The following SNX29 variants were observed in gnomAD, a reference collection of about 807,000 sequenced individuals.
The protein encoded by SNX29 is sorting nexin 29.
Under a neutral mutation model 102.1 loss-of-function variants are expected in SNX29, and 78 were observed. That is an observed-to-expected ratio of 0.76 (90% confidence interval 0.64 to 0.92). SNX29 has a LOEUF of 0.92. Among genes scored for constraint, SNX29 ranks in the 40% least tolerant of loss-of-function variants. SNX29 has a pLI of 0.00. For synonymous variants in SNX29, 580 were observed against 414.5 expected (o/e 1.40, Z -4.85); for missense variants, 1,280 against 1,061.7 (o/e 1.21, Z -2.86).
At position 12,573,143 on chromosome 16, in the gene SNX29, G is replaced by C; in HGVS notation, c.*4514G>C. 1 of 226,572 alleles carries C rather than the reference G, an allele frequency of 4.4e-6. No individual in the cohort carries two copies. Among genetic ancestry groups the C allele is most frequent in the Non-Finnish European group, 8.8e-6 (1 of 114,078 alleles). 14.0% of individuals were successfully genotyped at this position (226,572 alleles called of 1,614,324 possible). On this transcript the variant is annotated 3_prime_UTR_variant, in exon 21 of 21. Coordinates refer to ENST00000566228, the MANE Select transcript of SNX29 (RefSeq NM_032167.5). The stretch of plus-strand genomic sequence containing the variant: ...ATCTTGATCTTGTTTCCAAAATAAA[G>C]CTTCAGCTCCTTGGTCAATAGAAGT...
At chr16:12,527,068 T>C (rs1161037194) in intron 20 of SNX29, 1 of 435,862 alleles carries the variant, frequency 2.3e-6, no homozygotes, top group African/African-American at 2.0e-5. Context: ...CATGTTGGTC[T>C]AGACCCCAGT....
chr16:12,074,678 G>A (rs1331562234), intron 10 of SNX29, among the ~76,000 whole-genome samples: 16 of 152,116 alleles, frequency 1.1e-4, no homozygotes, highest in Non-Finnish European at 2.1e-4. Context: ...TCTTTGTGGC[G>A]TTCTCTGTAT....
chr16:12,568,555 T>C lies in SNX29; in HGVS notation c.2368T>C (p.Ser790Pro). ...TGTGAACAGCCGGCCCAAAGCAGCT[T>C]CCCGCTTCCCCAAACTGTCCCGGGG... The part of the protein sequence containing the change: ...EPVNSRPKAA[S>P]RFPKLSRGQP... The change falls in exon 21 of 21, where the codon TCC (serine) becomes CCC (proline). Residue 790 changes from serine (S) to proline (P), a missense_variant. Coordinates refer to ENST00000566228, the MANE Select transcript of SNX29 (RefSeq NM_032167.5). The C allele has an allele frequency of 6.2e-7, 1 of 1,609,298 alleles. No individual in the cohort carries two copies. The highest frequency in any genetic ancestry group is 8.5e-7 in the Non-Finnish European group (1 of 1,179,802).
At chr16:12,117,829 C>A (rs1329351826) in intron 11 of SNX29, among the ~76,000 whole-genome samples, 1 of 152,146 alleles carries the variant, frequency 6.6e-6, no homozygotes, top group East Asian at 1.9e-4. Context: ...GGCACGGTGG[C>A]TCACAGCTGT....
intron 3 of SNX29, among the ~76,000 whole-genome samples, chr16:12,010,110 C>T (rs1427995307): frequency 6.6e-6 from 1 of 152,220 alleles, no homozygotes; most frequent in African/African-American, 2.4e-5. Flanking sequence ...ATGGTATTCA[C>T]TTCAGAGGGT....
intron 11 of SNX29, among the ~76,000 whole-genome samples, chr16:12,116,821 G>A (rs2053726024): frequency 1.3e-5 from 2 of 152,162 alleles, no homozygotes; most frequent in Non-Finnish European, 2.9e-5. Flanking sequence ...GTGGAAACAG[G>A]CTTAGTCAAT....
rs371965178 is a variant in SNX29 at position 12,042,982 on chromosome 16, C to T, written c.333C>T (p.Asp111=). The T allele has an allele frequency of 1.2e-5, 20 of 1,613,858 alleles. No homozygotes were observed. Among genetic ancestry groups the T allele is most frequent in the Non-Finnish European group, 1.6e-5 (19 of 1,179,872 alleles). Residue 111 remains aspartate, a synonymous_variant, in exon 5 of 21, where the codon GAC becomes GAT. Transcript: ENST00000566228. ...ACTCCCTGCGCCACATCGCCTCAGA[C>T]GTGGGCCGGGGTCGCGCCTGGCTGC... ...RFYSLRHIAS[D]VGRGRAWLRC...
intron 20 of SNX29, among the ~76,000 whole-genome samples, chr16:12,542,561 A>C (rs1465114661): frequency 2.0e-5 from 3 of 152,072 alleles, no homozygotes; most frequent in Non-Finnish European, 4.4e-5. Flanking sequence ...TGAACTCCTG[A>C]CCTCAAGTGA....
chr16:12,394,923 G>T (rs1283760934), intron 16 of SNX29, among the ~76,000 whole-genome samples: 1 of 152,126 alleles, frequency 6.6e-6, no homozygotes, highest in Non-Finnish European at 1.5e-5. Flanking sequence ...GGTGGTGGTG[G>T]TGTCATGCTT....
chr16:12,269,447 A>G (rs10500379), intron 14 of SNX29, among the ~76,000 whole-genome samples: 7,234 of 152,294 alleles, frequency 0.048, 335 homozygotes, highest in South Asian at 0.25. Context: ...AAGCAGTATC[A>G]TTATTTTGAT....
chr16:12,370,630 C>T (rs181224412), intron 16 of SNX29, among the ~76,000 whole-genome samples: 30 of 152,256 alleles, frequency 2.0e-4, no homozygotes, highest in Admixed American at 5.9e-4. Context: ...GCACTTTGGG[C>T]GAGGCACTGA....
rs1303815035 is a variant in SNX29 at position 12,390,178 on chromosome 16, G to GTGTGTGTGTGTGTA, written c.1900-8265_1900-8264insGTGTGTGTGTATGT. On this transcript the variant is annotated intron_variant, in intron 16 of 20. Transcript: ENST00000566228. The stretch of plus-strand genomic sequence containing the variant: ...TGTGTGTGTGTGTGTGTGTGTGTGT[G>GTGTGTGTGTGTGTA]TGTATGTATATGTATATGTGTGCAC... 3.4e-3 allele frequency among the ~76,000 whole-genome samples: 512 copies of GTGTGTGTGTGTGTA among 149,494 alleles called. 5 individuals are homozygous for GTGTGTGTGTGTGTA. Among genetic ancestry groups the GTGTGTGTGTGTGTA allele is most frequent in the African/African-American group, 0.012 (488 of 40,016 alleles).
intron 3 of SNX29, among the ~76,000 whole-genome samples, chr16:12,020,979 T>C (rs1451235280): frequency 6.6e-6 from 1 of 152,248 alleles, no homozygotes; most frequent in Non-Finnish European, 1.5e-5. Context: ...CTGTCTTAAA[T>C]CTGAGATATG....
chr16:12,303,886 A>G (rs574968350), intron 15 of SNX29, among the ~76,000 whole-genome samples: 1 of 152,262 alleles, frequency 6.6e-6, no homozygotes, highest in Admixed American at 6.5e-5. Context: ...GGTTTATCAC[A>G]GTACTTAGCT....
At chr16:12,294,696 T>C (rs1480036766) in intron 15 of SNX29, among the ~76,000 whole-genome samples, 1 of 152,164 alleles carries the variant, frequency 6.6e-6, no homozygotes, top group Non-Finnish European at 1.5e-5. Context: ...CAGACCTGCC[T>C]ATGTCCCCAG....
intron 14 of SNX29, among the ~76,000 whole-genome samples, chr16:12,231,651 G>C (rs576735460): frequency 6.6e-6 from 1 of 152,204 alleles, no homozygotes; most frequent in African/African-American, 2.4e-5. Context: ...GGAGGATGTG[G>C]TCTCATAGGC....
intron 16 of SNX29, among the ~76,000 whole-genome samples, chr16:12,395,247 TC>T (rs1239875814): frequency 6.6e-6 from 1 of 152,180 alleles, no homozygotes; most frequent in Non-Finnish European, 1.5e-5. Flanking sequence ...GTGTCAGAGT[TC>T]CACGCTGGCA....
At position 12,098,079 on chromosome 16, in the gene SNX29, G is replaced by C. The variant is rs1007523427; in HGVS notation, c.1402+19164G>C. On this transcript the variant is annotated intron_variant, in intron 11 of 20. Transcript: ENST00000566228. This position sits in a 1 kb window ranked among gnomAD's most constrained non-coding sequence, Gnocchi z 6.0. ...AGGAGGTGAATAGCACTTGCCATGT[G>C]CAGTGCCCGCACACGCTGGGCCCAG... Among the ~76,000 whole-genome samples the C allele has an allele frequency of 5.3e-5, 8 of 152,186 alleles. No individual in the cohort carries two copies. Among genetic ancestry groups the C allele is most frequent in the African/African-American group, 1.9e-4 (8 of 41,446 alleles).
intron 19 of SNX29, among the ~76,000 whole-genome samples, chr16:12,517,684 T>G (rs2089925457): frequency 6.6e-6 from 1 of 152,200 alleles, no homozygotes; most frequent in Non-Finnish European, 1.5e-5. Context: ...GGTGCCTGCC[T>G]TGGTGGAATT....
Sources: gnomAD v4.1 joint callset for allele counts (sites outside exome capture counted in the v4.1 genomes callset) on GRCh38, gnomAD v4.1.1 for gene constraint, Gnocchi (gnomAD v3.1) non-coding constraint, MANE v1.5 for transcripts, NCBI Gene and HGNC (gene_info 2026-07-23, HGNC 2026-07-21) for gene names.